The following IQSEC3 variants were observed in gnomAD, a reference collection of about 807,000 sequenced individuals.
IQSEC3 encodes IQ motif and SEC7 domain-containing protein 3.
In IQSEC3, 50 loss-of-function variants were observed where a neutral mutation model predicts 105.4. The ratio of observed to expected loss-of-function variants is 0.47; its 90% CI spans 0.38 to 0.60. IQSEC3 has a LOEUF of 0.60. IQSEC3 is among the 20% of genes least tolerant of loss of function. The pLI is 0.00. For synonymous variants in IQSEC3, 708 were observed against 746.0 expected (o/e 0.95, Z 0.83); for missense variants, 1,415 against 1,630.0 (o/e 0.87, Z 2.27).
intron 4 of IQSEC3, 65 bp downstream of exon 4, chr12:139,419 C>T: frequency 1.5e-6 from 2 of 1,341,420 alleles, no homozygotes; most frequent in Non-Finnish European, 2.0e-6. Flanking sequence ...AGGAGGAGGG[C>T]ACCTTCCCTC....
intron 2 of IQSEC3, among the ~76,000 whole-genome samples, chr12:123,326 AG>A (rs1865279593): frequency 6.6e-6 from 1 of 152,144 alleles, no homozygotes; most frequent in South Asian, 2.1e-4. Flanking sequence ...CTGGAGTCCC[AG>A]GTACTCAGTA....
At chr12:101,505 G>A (rs990544967) in intron 2 of IQSEC3, among the ~76,000 whole-genome samples, 1 of 152,110 alleles carries the variant, frequency 6.6e-6, no homozygotes, top group East Asian at 1.9e-4. Context: ...AGGGAGTGTG[G>A]GAGTTGGGAT....
At chr12:71,907 C>T (rs1400496691) in intron 1 of IQSEC3, among the ~76,000 whole-genome samples, 7 of 152,282 alleles carry the variant, frequency 4.6e-5, no homozygotes, top group South Asian at 2.1e-4. Flanking sequence ...AGGGAGTGTG[C>T]GTCTTTTTAT....
intron 2 of IQSEC3, among the ~76,000 whole-genome samples, chr12:101,491 G>A (rs559211462): frequency 8.5e-5 from 13 of 152,224 alleles, no homozygotes; most frequent in Admixed American, 5.9e-4. Context: ...GAGGTGCTCC[G>A]GGGAGGGAGT....
At chr12:155,751 T>C (rs1397525511) in intron 5 of IQSEC3, among the ~76,000 whole-genome samples, 2 of 152,058 alleles carry the variant, frequency 1.3e-5, no homozygotes, top group African/African-American at 2.4e-5. Flanking sequence ...GTGCTCTCGA[T>C]GTGGTGGGCA....
At chr12:163,663 T>C in intron 9 of IQSEC3, 44 bp downstream of exon 9, 1 of 1,117,460 alleles carries the variant, frequency 8.9e-7, no homozygotes, top group Non-Finnish European at 1.4e-6. Context: ...TGGGGCTGCC[T>C]CTGCCGCCCT....
chr12:161,970 A>G lies in IQSEC3; in HGVS notation c.2488A>G (p.Ile830Val). 3.7e-6 allele frequency: 6 copies of G among 1,608,414 alleles called. No homozygotes were observed. Among genetic ancestry groups the G allele is most frequent in the Non-Finnish European group, 5.1e-6 (6 of 1,177,184 alleles). ...CATCCCCAGGGAGCTGGTGGTAGGC[A>G]TCTATGAGAGGATACAGCAGAAGGA... is the stretch of plus-strand genomic sequence containing the variant. Reference protein sequence around the residue: ...ADIPRELVVGIYERIQQKELK... With the variant: ...ADIPRELVVGVYERIQQKELK... Residue 830 changes from isoleucine (I) to valine (V), a missense_variant, in exon 8 of 14, where the codon ATC becomes GTC. Transcript: ENST00000538872.
At position 86,622 on chromosome 12, in the gene IQSEC3, C is replaced by T. The variant is rs528008907; in HGVS notation, c.555-12524C>T. Among the ~76,000 whole-genome samples the T allele has an allele frequency of 3.9e-5, 6 of 152,232 alleles. No individual in the cohort carries two copies. The East Asian group carries it at 7.7e-4, about 20-fold the overall frequency. ...GATATTAACAGGAAAATAGCAAAGA[C>T]GGACTTTGAACTCCAGACAGCTCCT... is the stretch of plus-strand genomic sequence containing the variant. On this transcript the variant is annotated intron_variant, in intron 1 of 13. Coordinates refer to ENST00000538872, the MANE Select transcript of IQSEC3 (RefSeq NM_001170738.2).
intron 1 of IQSEC3, among the ~76,000 whole-genome samples, chr12:83,325 C>T (rs376025862): frequency 3.3e-5 from 5 of 152,094 alleles, no homozygotes; most frequent in Admixed American, 2.0e-4. Context: ...AAGCCCCTGC[C>T]GTCATGGAGC....
intron 1 of IQSEC3, among the ~76,000 whole-genome samples, chr12:68,937 C>G (rs571502407): frequency 1.2e-3 from 189 of 152,238 alleles, no homozygotes; most frequent in Non-Finnish European, 2.2e-3. Context: ...TCTACCCCAA[C>G]TCCCTCAAAA....
chr12:171,611 A>C, intron 13 of IQSEC3: 3 of 508,288 alleles, frequency 5.9e-6, no homozygotes, highest in East Asian at 3.4e-5. Context: ...ATTACCCCTT[A>C]GGCCCCAAAC....
chr12:107,621 A>G (rs1404833700), intron 2 of IQSEC3, among the ~76,000 whole-genome samples: 4 of 151,898 alleles, frequency 2.6e-5, no homozygotes, highest in South Asian at 2.1e-4. Flanking sequence ...TGTGTTAGCC[A>G]GGATGGTCTC....
intron 5 of IQSEC3, among the ~76,000 whole-genome samples, chr12:146,972 A>G (rs1433099062): frequency 6.6e-6 from 1 of 152,208 alleles, no homozygotes; most frequent in Non-Finnish European, 1.5e-5. Context: ...CAGTTGTGAG[A>G]GTTTAAGACC....
chr12:139,667 A>C (rs1324197805), intron 4 of IQSEC3: 1 of 304,266 alleles, frequency 3.3e-6, no homozygotes, highest in Non-Finnish European at 6.0e-6. Flanking sequence ...GTAAAAGAAA[A>C]GACAGTATTA....
At chr12:87,936 G>A (rs1041682781) in intron 1 of IQSEC3, among the ~76,000 whole-genome samples, 4 of 152,102 alleles carry the variant, frequency 2.6e-5, no homozygotes, top group Admixed American at 6.5e-5. Flanking sequence ...GTATACGTGC[G>A]GTTAGGTAGG....
In IQSEC3 at chr12:165,769, C is replaced by T. The variant is rs1229514304; in HGVS notation, c.2850C>T (p.Gly950=). ...TCACACTGGTGACCCCGCTCTCGGG[C>T]TCCGAGAAGAAGCAGGTGCTGCATT... ...HGITLVTPLS[G]SEKKQVLHFC... is the part of the protein sequence containing the mutation. The change falls in exon 11 of 14, where the codon GGC becomes GGT. Residue 950 remains glycine (G), a synonymous_variant. Transcript: ENST00000538872. 2 of 1,613,848 alleles carry T rather than the reference C, an allele frequency of 1.2e-6. No individual in the cohort carries two copies. Among genetic ancestry groups the T allele is most frequent in the African/African-American group, 1.3e-5 (1 of 74,922 alleles).
intron 1 of IQSEC3, among the ~76,000 whole-genome samples, chr12:84,495 C>T (rs1206610230): frequency 1.3e-5 from 2 of 152,260 alleles, no homozygotes; most frequent in Non-Finnish European, 1.5e-5. Flanking sequence ...TTTACAAATC[C>T]AGGAGTGTGC....
chr12:153,171 C>T (rs1001898888), intron 5 of IQSEC3, among the ~76,000 whole-genome samples: 8 of 151,920 alleles, frequency 5.3e-5, no homozygotes, highest in Non-Finnish European at 7.4e-5. Context: ...TGTAGAGGGC[C>T]GAGGCTTATA....
rs1382666656 is a variant in IQSEC3, at chr12:178,409, GTTCAA to G, written c.*3381_*3385del. ...AAAATAGCCCAGAGGTATTTTATCT[GTTCAA>G]TTCATAGAGTTTTAGAGATTATATT... On this transcript the variant is annotated 3_prime_UTR_variant, in exon 14 of 14. Transcript: ENST00000538872. The G allele has an allele frequency of 1.3e-5, 2 of 152,218 alleles. No homozygotes were observed. Among genetic ancestry groups the G allele is most frequent in the Non-Finnish European group, 2.9e-5 (2 of 68,050 alleles). The allele number at this position is 152,218 out of a possible 1,614,324, so 9.4% of individuals were successfully genotyped here.
Sources: allele counts gnomAD v4.1 joint callset (sites outside exome capture counted in the v4.1 genomes callset), GRCh38; gene constraint gnomAD v4.1.1; transcripts MANE v1.5; gene names NCBI Gene and HGNC (gene_info 2026-07-23, HGNC 2026-07-21).